TAFA2: variants seen among roughly 807,000 people sequenced by gnomAD.
TAFA2 encodes the protein TAFA chemokine like family member 2, also known as chemokine-like protein TAFA-2.
In TAFA2, 7 loss-of-function variants were observed where a neutral mutation model predicts 18.8. The ratio of observed to expected loss-of-function variants is 0.37; its 90% CI spans 0.21 to 0.70. TAFA2 has a LOEUF of 0.70. TAFA2 is among the 30% of genes least tolerant of loss of function. The pLI is 0.53. For missense variants in TAFA2, 122 were observed against 158.1 expected (o/e 0.77, Z 1.23); for synonymous variants, 60 against 54.2 (o/e 1.11, Z -0.47).
At chr12:62,187,112 A>G (rs1300914199) in intron 1 of TAFA2, among the ~76,000 whole-genome samples, 11 of 152,184 alleles carry the variant, frequency 7.2e-5, no homozygotes, top group Admixed American at 7.2e-4. Context: ...ATGGAGGTGT[A>G]TATTCAATAA....
chr12:61,836,947 A>G (rs1014977564), intron 2 of TAFA2, among the ~76,000 whole-genome samples: 2 of 151,336 alleles, frequency 1.3e-5, no homozygotes, highest in African/African-American at 4.8e-5. Flanking sequence ...ATTATCTGTC[A>G]TAAATACTTT....
At chr12:62,174,666 T>C (rs2062500389) in intron 1 of TAFA2, among the ~76,000 whole-genome samples, 1 of 152,216 alleles carries the variant, frequency 6.6e-6, no homozygotes, top group South Asian at 2.1e-4. Flanking sequence ...CTCAAAATAA[T>C]GCTGTCTTGG....
At chr12:62,082,947 C>T (rs1292075103) in intron 1 of TAFA2, among the ~76,000 whole-genome samples, 1 of 152,068 alleles carries the variant, frequency 6.6e-6, no homozygotes, top group Non-Finnish European at 1.5e-5. Flanking sequence ...TGCAACATCC[C>T]TTTGAGAGTA....
intron 1 of TAFA2, among the ~76,000 whole-genome samples, chr12:62,161,733 G>A (rs1026539942): frequency 2.0e-5 from 3 of 152,050 alleles, no homozygotes; most frequent in East Asian, 1.9e-4. Context: ...AAAGACAAAT[G>A]TAAACACTCT....
intron 1 of TAFA2, chr12:62,242,400 A>G (rs935724800): frequency 2.0e-5 from 3 of 152,218 alleles, no homozygotes; most frequent in African/African-American, 7.2e-5. Flanking sequence ...AGTGATAGAT[A>G]TTTGCATAGC....
At chr12:62,178,902 T>C (rs1475670482) in intron 1 of TAFA2, among the ~76,000 whole-genome samples, 1 of 152,206 alleles carries the variant, frequency 6.6e-6, no homozygotes, top group African/African-American at 2.4e-5. Flanking sequence ...GAGACACTTG[T>C]AGAGAATCAG....
intron 2 of TAFA2, among the ~76,000 whole-genome samples, chr12:61,814,411 G>T (rs141058894): frequency 6.6e-6 from 1 of 151,280 alleles, no homozygotes; most frequent in Non-Finnish European, 1.5e-5. Flanking sequence ...AAGTTAAATG[G>T]GCAGACATTG....
intron 1 of TAFA2, among the ~76,000 whole-genome samples, chr12:61,980,949 A>G (rs571096696): frequency 6.6e-6 from 1 of 152,328 alleles, no homozygotes; most frequent in African/African-American, 2.4e-5. Flanking sequence ...CAGAATTGGA[A>G]AAAACTACTT....
chr12:62,181,161 C>G (rs538435140), intron 1 of TAFA2, among the ~76,000 whole-genome samples: 15 of 152,196 alleles, frequency 9.9e-5, no homozygotes, highest in African/African-American at 3.6e-4. Context: ...CCCTGAGTCT[C>G]TCTCTCACAT....
intron 1 of TAFA2, among the ~76,000 whole-genome samples, chr12:62,037,704 A>T (rs1424201438): frequency 6.6e-6 from 1 of 152,244 alleles, no homozygotes; most frequent in Non-Finnish European, 1.5e-5. Context: ...TCCAATGCAC[A>T]CCAAAACTTA....
chr12:61,879,341 G>C (rs149357305), intron 1 of TAFA2: 1 of 656,322 alleles, frequency 1.5e-6, no homozygotes, highest in East Asian at 3.3e-5. Context: ...TGATCCAGAA[G>C]TCCTACAAGG....
chr12:62,160,459 C>T (rs1178680657), intron 1 of TAFA2, among the ~76,000 whole-genome samples: 2 of 152,210 alleles, frequency 1.3e-5, no homozygotes, highest in Admixed American at 6.5e-5. Context: ...TACCTGGTTT[C>T]TCCTAGTAAA....
At chr12:61,926,311 A>G (rs534295255) in intron 1 of TAFA2, among the ~76,000 whole-genome samples, 2 of 152,360 alleles carry the variant, frequency 1.3e-5, no homozygotes, top group African/African-American at 4.8e-5. Flanking sequence ...TCCAAACAAT[A>G]GAAAAAGAGG....
At chr12:62,149,286 A>C (rs1223186457) in intron 1 of TAFA2, among the ~76,000 whole-genome samples, 1 of 152,148 alleles carries the variant, frequency 6.6e-6, no homozygotes, top group East Asian at 1.9e-4. Flanking sequence ...AAAGGATAAG[A>C]CATAGATCTA....
intron 1 of TAFA2, among the ~76,000 whole-genome samples, chr12:62,079,157 T>C (rs1201917356): frequency 2.6e-5 from 4 of 152,004 alleles, no homozygotes; most frequent in Non-Finnish European, 2.9e-5. Context: ...CACACTAACA[T>C]CTCCCTTGCA....
intron 1 of TAFA2, among the ~76,000 whole-genome samples, chr12:62,224,837 A>G (rs562803392): frequency 6.6e-6 from 1 of 152,348 alleles, no homozygotes; most frequent in African/African-American, 2.4e-5. Context: ...CTGTATACTT[A>G]AACATTGATA....
At chr12:61,939,465 A>G (rs372677441) in intron 1 of TAFA2, among the ~76,000 whole-genome samples, 53 of 152,334 alleles carry the variant, frequency 3.5e-4, no homozygotes, top group African/African-American at 1.2e-3. Context: ...ATGTGGAATT[A>G]GTCAAACTTT....
At chr12:62,104,660 T>C in intron 1 of TAFA2, 2 of 455,144 alleles carry the variant, frequency 4.4e-6, no homozygotes, top group Non-Finnish European at 8.8e-6. Context: ...ATTACATACA[T>C]ATTTTCAAGA....
At chr12:61,963,613 T>C (rs1177096624) in intron 1 of TAFA2, among the ~76,000 whole-genome samples, 1 of 151,974 alleles carries the variant, frequency 6.6e-6, no homozygotes, top group African/African-American at 2.4e-5. Flanking sequence ...GTCAGATGGA[T>C]TGCAAAAATT....
Sources: gnomAD v4.1 joint callset for allele counts (sites outside exome capture counted in the v4.1 genomes callset) on GRCh38, gnomAD v4.1.1 for gene constraint, MANE v1.5 for transcripts, NCBI Gene and HGNC (gene_info 2026-07-23, HGNC 2026-07-21) for gene names.